B3GLCT: variants seen among roughly 807,000 people sequenced by gnomAD.
B3GLCT encodes beta-1,3-glucosyltransferase.
Under a neutral mutation model 63.4 loss-of-function variants are expected in B3GLCT, and 65 were observed. The ratio of observed to expected loss-of-function variants is 1.03; its 90% CI spans 0.84 to 1.26. The LOEUF is 1.26. Ranked by LOEUF, B3GLCT falls within the 50% of genes most tolerant of loss-of-function variation. The probability of loss-of-function intolerance (pLI) is 0.00; values close to 1 mark genes in which losing one functional copy is unlikely to be tolerated. For synonymous variants in B3GLCT, 233 were observed against 219.2 expected (o/e 1.06, Z -0.55); for missense variants, 577 against 604.8 (o/e 0.95, Z 0.48).
At chr13:31,242,011 A>G (rs1870973256) in intron 4 of B3GLCT, among the ~76,000 whole-genome samples, 1 of 152,190 alleles carries the variant, frequency 6.6e-6, no homozygotes, top group Admixed American at 6.5e-5. Context: ...TTGGTACACT[A>G]TGCTATGCTG....
intron 3 of B3GLCT, among the ~76,000 whole-genome samples, chr13:31,225,031 T>C (rs1414058616): frequency 6.6e-6 from 1 of 152,244 alleles, no homozygotes; most frequent in Non-Finnish European, 1.5e-5. Flanking sequence ...CTGCTGCCTT[T>C]CCTGAGCACT....
intron 7 of B3GLCT, among the ~76,000 whole-genome samples, chr13:31,268,998 A>C (rs748712896): frequency 1.4e-4 from 21 of 152,218 alleles, no homozygotes; most frequent in Non-Finnish European, 2.5e-4. Context: ...ATGTTGGAAT[A>C]ATGAATGCTA....
intron 12 of B3GLCT, among the ~76,000 whole-genome samples, chr13:31,309,463 C>T (rs1427454455): frequency 6.6e-6 from 1 of 152,260 alleles, no homozygotes; most frequent in Non-Finnish European, 1.5e-5. Flanking sequence ...CTTCCCCAGA[C>T]ACCAGTCATA....
chr13:31,316,431 A>ATATAT lies in B3GLCT; in HGVS notation c.1065-1135_1065-1134insTATAT, dbSNP rs1555255278. On this transcript the variant is annotated intron_variant, in intron 12 of 14. Transcript: ENST00000343307. ...TTTATATATATATATATATATATAT[A>ATATAT]AATTTTTTTTTTTTGAGACGGAGTT... Among the ~76,000 whole-genome samples, 127 of 110,038 alleles carry ATATAT rather than the reference A, an allele frequency of 1.2e-3. 5 individuals are homozygous for ATATAT. In the South Asian group the frequency reaches 0.012, roughly 10 times the overall value. 72.2% of individuals were successfully genotyped at this position (110,038 alleles called of 152,430 possible).
intron 13 of B3GLCT, among the ~76,000 whole-genome samples, chr13:31,320,722 C>A (rs193005812): frequency 2.4e-4 from 36 of 152,262 alleles, no homozygotes; most frequent in Non-Finnish European, 4.4e-4. Context: ...ACCTTTCTAG[C>A]CTCATCCATC....
At chr13:31,301,435 A>G (rs1874218114) in intron 12 of B3GLCT, among the ~76,000 whole-genome samples, 1 of 152,230 alleles carries the variant, frequency 6.6e-6, no homozygotes, top group African/African-American at 2.4e-5. Flanking sequence ...GATAGGGGGA[A>G]CATTTCCCAG....
chr13:31,226,444 A>G (rs559133635), intron 3 of B3GLCT, among the ~76,000 whole-genome samples: 3 of 152,368 alleles, frequency 2.0e-5, no homozygotes, highest in Non-Finnish European at 2.9e-5. Context: ...TGACCCAGGT[A>G]TGGGAAGAAT....
chr13:31,231,531 C>T (rs1870381463), intron 4 of B3GLCT, among the ~76,000 whole-genome samples: 2 of 152,172 alleles, frequency 1.3e-5, no homozygotes, highest in Non-Finnish European at 1.5e-5. Context: ...GCATATGCCC[C>T]TATACTTCCT....
chr13:31,300,262 A>G (rs1010782402), intron 12 of B3GLCT, among the ~76,000 whole-genome samples: 1 of 152,166 alleles, frequency 6.6e-6, no homozygotes, highest in Admixed American at 6.5e-5. Flanking sequence ...TAGCACGATC[A>G]TGTATAAATT....
At chr13:31,212,752 C>T (rs749248466) in intron 1 of B3GLCT, among the ~76,000 whole-genome samples, 1 of 152,160 alleles carries the variant, frequency 6.6e-6, no homozygotes, top group African/African-American at 2.4e-5. Context: ...TTAGTTTGAC[C>T]ACAGTTTTTA....
At chr13:31,217,989 A>G (rs1012940066) in intron 2 of B3GLCT, among the ~76,000 whole-genome samples, 37 of 152,186 alleles carry the variant, frequency 2.4e-4, no homozygotes. Flanking sequence ...TTTGATAGAA[A>G]TAACATTGAA....
chr13:31,296,347 T>C (rs1873942478), intron 12 of B3GLCT, among the ~76,000 whole-genome samples: 1 of 152,226 alleles, frequency 6.6e-6, no homozygotes. Context: ...GAGATCAGGG[T>C]GCCAGCATGG....
At position 31,274,535 on chromosome 13, in the gene B3GLCT, C is replaced by A. The variant is rs750630351; in HGVS notation, c.687C>A (p.Gly229=). 5 of 1,614,170 alleles carry A rather than the reference C, an allele frequency of 3.1e-6. No homozygotes were observed. The South Asian group carries it at 4.4e-5, about 14-fold the overall frequency. The part of the protein sequence containing the change: ...HEIALYIWDK[G]GGPPLTPVPE... ...TTGCCCTCTACATCTGGGACAAAGG[C>A]GGAGGACCTCCCCTGACCCCAGTGC... is the stretch of plus-strand genomic sequence containing the variant. The change falls in exon 9 of 15, where the codon GGC becomes GGA. Residue 229 remains glycine (G), a synonymous_variant. Transcript: ENST00000343307.
In B3GLCT at chr13:31,331,015, C is replaced by T. The variant is rs1875895505; in HGVS notation, c.*1347C>T. 1.3e-5 allele frequency: 2 copies of T among 152,152 alleles called. No homozygotes were observed. Among genetic ancestry groups the T allele is most frequent in the African/African-American group, 4.8e-5 (2 of 41,416 alleles). 9.4% of individuals were successfully genotyped at this position (152,152 alleles called of 1,614,324 possible). On this transcript the variant is annotated 3_prime_UTR_variant, in exon 15 of 15. Coordinates refer to ENST00000343307, the MANE Select transcript of B3GLCT (RefSeq NM_194318.4). The stretch of plus-strand genomic sequence containing the variant: ...TACCATTTTTCCAAATTAGCAACTA[C>T]CAGACCTCACGTGTTGCAGTGATAA...
intron 12 of B3GLCT, among the ~76,000 whole-genome samples, chr13:31,297,072 G>A (rs942058962): frequency 6.7e-6 from 1 of 149,746 alleles, no homozygotes; most frequent in Non-Finnish European, 1.5e-5. Flanking sequence ...TAATGTCTTC[G>A]AAATTTATCC....
intron 12 of B3GLCT, among the ~76,000 whole-genome samples, chr13:31,288,924 G>T (rs1039251012): frequency 1.3e-5 from 2 of 151,902 alleles, no homozygotes; most frequent in African/African-American, 4.8e-5. Context: ...AACAGATAAA[G>T]AATTCAAAAT....
intron 6 of B3GLCT, among the ~76,000 whole-genome samples, chr13:31,253,287 A>G (rs530885064): frequency 2.6e-5 from 4 of 152,144 alleles, no homozygotes; most frequent in Non-Finnish European, 5.9e-5. Context: ...ACACTCTAAC[A>G]TCACAATTAA....
chr13:31,223,346 G>A (rs991013622), intron 3 of B3GLCT, among the ~76,000 whole-genome samples: 1 of 152,188 alleles, frequency 6.6e-6, no homozygotes, highest in African/African-American at 2.4e-5. Context: ...GGACCCACAT[G>A]ATGTGGGAGA....
At chr13:31,246,553 A>T (rs1022046927) in intron 4 of B3GLCT, among the ~76,000 whole-genome samples, 1 of 152,240 alleles carries the variant, frequency 6.6e-6, no homozygotes, top group African/African-American at 2.4e-5. Flanking sequence ...TAATTTTTGC[A>T]CATGAGGTAG....
Sources: allele counts gnomAD v4.1 joint callset (sites outside exome capture counted in the v4.1 genomes callset), GRCh38; gene constraint gnomAD v4.1.1; transcripts MANE v1.5; gene names NCBI Gene and HGNC (gene_info 2026-07-23, HGNC 2026-07-21).